DYNC2H1: variants seen among roughly 807,000 people sequenced by gnomAD.
DYNC2H1 encodes dynein cytoplasmic 2 heavy chain 1.
DYNC2H1 carries 410 observed loss-of-function variants against 570.0 expected under a neutral mutation model. That is an observed-to-expected ratio of 0.72 (90% CI 0.66 to 0.78). The LOEUF is 0.78. Among genes scored for constraint, DYNC2H1 ranks in the 30% least tolerant of loss-of-function variants. DYNC2H1 has a pLI of 0.00. For missense variants in DYNC2H1, 4,865 were observed against 5,046.4 expected, an observed-to-expected ratio of 0.96 and a Z score of 1.09; for synonymous variants, 1,688 against 1,677.6, an observed-to-expected ratio of 1.01 and a Z score of -0.15.
intron 12 of DYNC2H1, 80 bp downstream of exon 12, chr11:103,125,375 T>G (rs1858940403): frequency 8.4e-7 from 1 of 1,195,854 alleles, no homozygotes; most frequent in African/African-American, 1.6e-5. Flanking sequence ...GCTTTTTTTT[T>G]TTTTTTTTTT....
intron 75 of DYNC2H1, among the ~76,000 whole-genome samples, chr11:103,292,523 G>T (rs1436154945): frequency 2.0e-5 from 3 of 152,110 alleles, no homozygotes; most frequent in African/African-American, 4.8e-5. Context: ...TCATAATAAA[G>T]ATATGAATGG....
Position 103,479,640 on chromosome 11 carries a change from G to C in DYNC2H1, c.*387G>C, listed in dbSNP as rs1224300045. 3 of 156,286 alleles carry C rather than the reference G, an allele frequency of 1.9e-5. No individual in the cohort carries two copies. Among genetic ancestry groups the C allele is most frequent in the Non-Finnish European group, 2.8e-5 (2 of 70,824 alleles). 9.7% of individuals were successfully genotyped at this position (156,286 alleles called of 1,614,324 possible). Reference sequence around the variant, plus strand: ...TTCATAATTTTTGCAGTCTTCCCATGACTCTTTTTACATACTGAAGAATGT... The same window carrying C: ...TTCATAATTTTTGCAGTCTTCCCATCACTCTTTTTACATACTGAAGAATGT... On this transcript the variant is annotated 3_prime_UTR_variant, in exon 89 of 89. Coordinates refer to ENST00000375735, the MANE Select transcript of DYNC2H1 (RefSeq NM_001377.3).
rs191633349 is a variant in DYNC2H1 at position 103,186,275 on chromosome 11, T to A, written c.6667T>A (p.Phe2223Ile). 22 of 1,611,996 alleles carry A rather than the reference T, an allele frequency of 1.4e-5. No homozygotes were observed. In the Admixed American group the frequency reaches 3.0e-4, roughly 22 times the overall value. Residue 2223 changes from phenylalanine (F) to isoleucine (I), a missense_variant, in exon 42 of 89, where the codon TTT (phenylalanine) becomes ATT (isoleucine). Transcript: ENST00000375735. This position sits in a 1 kb window ranked among gnomAD's most constrained non-coding sequence, Gnocchi z 4.5. ...TTGGGCACGAGAATCTCCTCCAGAC[T>A]TTCACAAACCTATGGATACCTACTA... Reference protein sequence around the residue: ...FHWARESPPDFHKPMDTYYDS... With the variant: ...FHWARESPPDIHKPMDTYYDS...
chr11:103,156,846 C>T (rs1860857101), intron 26 of DYNC2H1, 76 bp downstream of exon 26: 1 of 1,521,500 alleles, frequency 6.6e-7, no homozygotes, highest in Non-Finnish European at 8.8e-7. Context: ...GTGCTTAATA[C>T]AGGCAAATTA....
rs1235029616 is a variant in DYNC2H1, at chr11:103,321,133, C to A, written c.11830C>A (p.Leu3944Met). The stretch of plus-strand genomic sequence containing the variant: ...TGACCTTAGAGTTCTTCAGTCATAC[C>A]TGAAGCAGTTTTTTAATTCTTCAGT... ...YFDLRVLQSYLKQFFNSSVID... is the reference protein window; with the variant it reads ...YFDLRVLQSYMKQFFNSSVID... The change falls in exon 81 of 89, where the codon CTG becomes ATG. Residue 3944 changes from leucine to methionine, a missense_variant. Transcript: ENST00000375735. The A allele has an allele frequency of 6.2e-7, 1 of 1,612,250 alleles. No homozygotes were observed. The highest frequency in any genetic ancestry group is 1.7e-5 in the Admixed American group (1 of 59,824).
In DYNC2H1 at chr11:103,165,935, A is replaced by G. The variant is rs541334553; in HGVS notation, c.4649A>G (p.Asp1550Gly). Residue 1550 changes from aspartate (D) to glycine (G), a missense_variant, in exon 31 of 89, where the codon GAT becomes GGT. Asp to Gly is a moderately conservative substitution (Grantham distance 94). Transcript: ENST00000375735. The part of the protein sequence containing the change: ...CLAEQIKFTE[D>G]VENAIKDHSL... Reference sequence around the variant, plus strand: ...GCGGAGCAGATTAAATTCACTGAAGATGTAGAAAATGCTATTAAAGATCAT... The same window carrying G: ...GCGGAGCAGATTAAATTCACTGAAGGTGTAGAAAATGCTATTAAAGATCAT... The G allele has an allele frequency of 8.6e-6, 13 of 1,512,090 alleles. No individual in the cohort carries two copies. Among genetic ancestry groups the G allele is most frequent in the East Asian group, 2.6e-5 (1 of 38,626 alleles). 93.7% of individuals were successfully genotyped at this position (1,512,090 alleles called of 1,614,324 possible).
Position 103,186,823 on chromosome 11 carries a change from A to T in DYNC2H1, c.6893+322A>T, listed in dbSNP as rs1045895819. 4.6e-5 allele frequency among the ~76,000 whole-genome samples: 7 copies of T among 151,732 alleles called. No homozygotes were observed. The highest frequency in any genetic ancestry group is 1.7e-4 in the African/African-American group (7 of 41,356). ...ACCATTTGCTTTAGTTATAAAATTTAAAATTTGAAGTTAGATCTCTATTTA... is the reference window on the plus strand; with the variant it reads ...ACCATTTGCTTTAGTTATAAAATTTTAAATTTGAAGTTAGATCTCTATTTA... On this transcript the variant is annotated intron_variant, in intron 42 of 88. Coordinates refer to ENST00000375735, the MANE Select transcript of DYNC2H1 (RefSeq NM_001377.3). This position sits in a 1 kb window ranked among gnomAD's most constrained non-coding sequence, Gnocchi z 4.5.
intron 65 of DYNC2H1, among the ~76,000 whole-genome samples, chr11:103,248,851 C>A (rs1864721910): frequency 6.6e-6 from 1 of 151,818 alleles, no homozygotes; most frequent in Non-Finnish European, 1.5e-5. Flanking sequence ...TCCAAGCACC[C>A]CAAATGTTCA....
intron 63 of DYNC2H1, among the ~76,000 whole-genome samples, chr11:103,240,650 T>C (rs1864392558): frequency 6.6e-6 from 1 of 152,170 alleles, no homozygotes; most frequent in Non-Finnish European, 1.5e-5. Context: ...ATCACTTCCA[T>C]TGCCAGTGGC....
At chr11:103,443,118 T>TTG (rs1172550979) in intron 85 of DYNC2H1, among the ~76,000 whole-genome samples, 1 of 152,034 alleles carries the variant, frequency 6.6e-6, no homozygotes, top group Non-Finnish European at 1.5e-5. Context: ...TTTTCTGCTG[T>TTG]TGTCAATAAA....
chr11:103,470,676 T>C (rs1945349090), intron 88 of DYNC2H1, among the ~76,000 whole-genome samples: 1 of 152,204 alleles, frequency 6.6e-6, no homozygotes, highest in Non-Finnish European at 1.5e-5. Context: ...TTTGGTTTTA[T>C]GTCCTTGCGA....
At chr11:103,172,603 G>T (rs1436727014) in intron 34 of DYNC2H1, among the ~76,000 whole-genome samples, 2 of 151,886 alleles carry the variant, frequency 1.3e-5, no homozygotes, top group East Asian at 1.9e-4. Flanking sequence ...ACTAAGTGCT[G>T]TTATCACATT....
intron 75 of DYNC2H1, among the ~76,000 whole-genome samples, chr11:103,292,442 A>G (rs1377379815): frequency 1.3e-5 from 2 of 152,166 alleles, no homozygotes; most frequent in Non-Finnish European, 2.9e-5. Flanking sequence ...GTCTCAATTT[A>G]TATCTTTCTA....
Position 103,186,527 on chromosome 11 carries a change from A to G in DYNC2H1, c.6893+26A>G. 1.9e-6 allele frequency: 3 copies of G among 1,595,148 alleles called. No homozygotes were observed. Among genetic ancestry groups the G allele is most frequent in the Non-Finnish European group, 8.5e-7 (1 of 1,172,582 alleles). On this transcript the variant is annotated intron_variant, in intron 42 of 88. Transcript: ENST00000375735. This position sits in a 1 kb window ranked among gnomAD's most constrained non-coding sequence, Gnocchi z 4.5. ...GTAAGAAAAATATTGGCAAAGGTAT[A>G]TGTTGTGGATTTATTCCTGCCGCCC...
At chr11:103,354,807 C>CT (rs10718561) in intron 82 of DYNC2H1, among the ~76,000 whole-genome samples, 7,458 of 141,122 alleles carry the variant, frequency 0.053, 350 homozygotes, top group East Asian at 0.16. Flanking sequence ...CTTGTAAGAT[C>CT]TTTTTTTTTT....
chr11:103,121,324 A>C (rs1484917220), intron 9 of DYNC2H1, 48 bp from the exon 10 acceptor site: 14 of 1,534,222 alleles, frequency 9.1e-6, no homozygotes, highest in Non-Finnish European at 1.2e-5. Flanking sequence ...TTATTTAGGA[A>C]ATCTTTGCTA....
chr11:103,236,640 TTC>T (rs1864232939), intron 63 of DYNC2H1, 101 bp downstream of exon 63: 1 of 576,426 alleles, frequency 1.7e-6, no homozygotes, highest in Non-Finnish European at 2.9e-6. Flanking sequence ...AGTTACCCTT[TTC>T]TTACTAAAAT....
intron 82 of DYNC2H1, among the ~76,000 whole-genome samples, chr11:103,344,376 G>T (rs1159967682): frequency 2.0e-5 from 3 of 152,158 alleles, no homozygotes; most frequent in East Asian, 1.9e-4. Context: ...CGGAATAAAT[G>T]CATTCATTAC....
rs1158016632 is a variant in DYNC2H1, at chr11:103,399,851, A to G, written c.12345A>G (p.Ala4115=). The change falls in exon 84 of 89, where the codon GCA becomes GCG. Residue 4115 remains alanine (A), a synonymous_variant. Coordinates refer to ENST00000375735, the MANE Select transcript of DYNC2H1 (RefSeq NM_001377.3). ...TGAGTTCAGAAGTACAAAAATTGGC[A>G]AGTGCTTTATTAAACCAAAAGGTAA... The part of the protein sequence containing the change: ...TLLSSEVQKL[A]SALLNQKCPL... 1 of 1,613,638 alleles carries G rather than the reference A, an allele frequency of 6.2e-7. No homozygotes were observed. The highest frequency in any genetic ancestry group is 2.2e-5 in the East Asian group (1 of 44,862).
Sources: allele counts gnomAD v4.1 joint callset (sites outside exome capture counted in the v4.1 genomes callset), GRCh38; gene constraint gnomAD v4.1.1; non-coding constraint Gnocchi (gnomAD v3.1); transcripts MANE v1.5; gene names NCBI Gene and HGNC (gene_info 2026-07-23, HGNC 2026-07-21).